The following IPO4 variants were observed in gnomAD, a reference collection of about 807,000 sequenced individuals.
IPO4 encodes importin 4.
A neutral mutation model predicts 133.5 loss-of-function variants in IPO4; 91 were observed. That is an observed-to-expected ratio of 0.68 (90% CI 0.58 to 0.81). IPO4 has a LOEUF of 0.81. Ranked by LOEUF, IPO4 falls within the 30% of genes least tolerant of loss-of-function variation. The probability of loss-of-function intolerance (pLI) is 0.00; values close to 1 mark genes in which losing one functional copy is unlikely to be tolerated. For synonymous variants in IPO4, 607 were observed against 581.6 expected, an observed-to-expected ratio of 1.04 and a Z score of -0.63; for missense variants, 1,279 against 1,386.2, an observed-to-expected ratio of 0.92 and a Z score of 1.23.
chr14:24,180,784 G>C lies in IPO4; in HGVS notation c.3046-26C>G, dbSNP rs200403393. On this transcript the variant is annotated intron_variant, in intron 28 of 29. Coordinates refer to ENST00000354464, the MANE Select transcript of IPO4 (RefSeq NM_024658.4). Reference sequence around the variant, plus strand: ...CTGTGAGGAAAGAGTGGCTGACTCAGGGCAGCAGCCCCAGACCCCAGGTCT... The same window carrying C: ...CTGTGAGGAAAGAGTGGCTGACTCACGGCAGCAGCCCCAGACCCCAGGTCT... 8 of 1,609,266 alleles carry C rather than the reference G, an allele frequency of 5.0e-6. No individual in the cohort carries two copies. In the East Asian group the frequency reaches 1.8e-4, roughly 36 times the overall value.
intron 28 of IPO4, among the ~76,000 whole-genome samples, chr14:24,181,235 T>C (rs2039131700): frequency 6.6e-6 from 1 of 152,210 alleles, no homozygotes; most frequent in African/African-American, 2.4e-5. Flanking sequence ...CTAGGAAAAC[T>C]GCAACTTCTG....
chr14:24,181,687 C>G, intron 27 of IPO4, 24 bp downstream of exon 27: 4 of 1,609,562 alleles, frequency 2.5e-6, no homozygotes, highest in Non-Finnish European at 3.4e-6. Flanking sequence ...CTTCCAAGCC[C>G]TGCCTGATGT....
intron 21 of IPO4, 27 bp from the exon 22 acceptor site, chr14:24,183,382 G>A (rs1250822402): frequency 1.3e-5 from 20 of 1,596,070 alleles, no homozygotes; most frequent in Non-Finnish European, 1.5e-5. Flanking sequence ...GGCGGGATAT[G>A]TCTGCTATGT....
intron 28 of IPO4, among the ~76,000 whole-genome samples, chr14:24,181,014 C>T (rs771975205): frequency 6.4e-4 from 98 of 152,124 alleles, no homozygotes; most frequent in Admixed American, 1.6e-3. Context: ...AACCCAGACA[C>T]TCAGGAGCTT....
intron 16 of IPO4, 109 bp from the exon 17 acceptor site, chr14:24,184,527 T>C (rs558494550): frequency 1.4e-6 from 2 of 1,456,272 alleles, no homozygotes; most frequent in South Asian, 1.3e-5. Context: ...TGGTACAGCA[T>C]GAAGCACACC....
Position 24,184,417 on chromosome 14 carries a change from C to T in IPO4, c.1638G>A (p.Glu546=). Residue 546 remains glutamate, a splice_region_variant and synonymous_variant, in exon 17 of 30, where the codon GAG becomes GAA. Transcript: ENST00000354464. ...DLQPVQIQSL[E]TLGVLARAVG... is the part of the protein sequence containing the mutation. Reference sequence around the variant, plus strand: ...CTGCTCGTGCCAGCACCCCCAGTGTCTCTGTGGGGGCAAGGGCTCCATTAG... The same window carrying T: ...CTGCTCGTGCCAGCACCCCCAGTGTTTCTGTGGGGGCAAGGGCTCCATTAG... The T allele has an allele frequency of 6.2e-7, 1 of 1,608,906 alleles. No homozygotes were observed. Among genetic ancestry groups the T allele is most frequent in the South Asian group, 1.1e-5 (1 of 90,250 alleles).
chr14:24,180,941 T>C (rs2039127429), intron 28 of IPO4, among the ~76,000 whole-genome samples, 183 bp from the exon 29 acceptor site: 1 of 152,118 alleles, frequency 6.6e-6, no homozygotes, highest in Admixed American at 6.6e-5. Flanking sequence ...CTAATGATTT[T>C]TTTTGGAGGG....
chr14:24,181,976 T>A lies in IPO4; in HGVS notation c.2786A>T (p.His929Leu), dbSNP rs2039145326. The change falls in exon 26 of 30, where the codon CAT becomes CTT. Residue 929 changes from histidine to leucine, a missense_variant. Coordinates refer to ENST00000354464, the MANE Select transcript of IPO4 (RefSeq NM_024658.4). ...ATACTCCTGGGCAGGGTGGCCCCCA[T>A]GCTCTGCCAGCACGCCCATCCCGAA... ...AIFGMGVLAE[H>L]GGHPAQEHFP... is the part of the protein sequence containing the mutation. 24 of 1,611,652 alleles carry A rather than the reference T, an allele frequency of 1.5e-5. No homozygotes were observed. The highest frequency in any genetic ancestry group is 2.0e-5 in the Non-Finnish European group (24 of 1,179,998).
intron 28 of IPO4, 54 bp from the exon 29 acceptor site, chr14:24,180,812 G>C: frequency 6.4e-7 from 1 of 1,559,740 alleles, no homozygotes; most frequent in Non-Finnish European, 8.8e-7. Flanking sequence ...CCAGGTCTAG[G>C]AGGGTGGTCA....
chr14:24,182,576 C>T (rs1334358560), intron 24 of IPO4, 173 bp from the exon 25 acceptor site: 1 of 1,013,838 alleles, frequency 9.9e-7, no homozygotes, highest in Non-Finnish European at 1.5e-6. Flanking sequence ...GGCTCTTCTG[C>T]TCCTACCTAT....
At chr14:24,184,575 G>T in intron 16 of IPO4, 75 bp downstream of exon 16, 1 of 1,411,230 alleles carries the variant, frequency 7.1e-7, no homozygotes, top group East Asian at 2.4e-5. Context: ...CTCCTGTGGG[G>T]GCAATCTGTC....
At position 24,186,318 on chromosome 14, in the gene IPO4, A is replaced by G. The variant is rs1357993961; in HGVS notation, c.974T>C (p.Met325Thr). ...SEEEELEIEL[M>T]GETPKHFAVQ... ...AGCGAAATGCTTGGGAGTCTCCCCC[A>G]TCAGCTCAATCTCCAACTCTTCCTC... The change falls in exon 10 of 30, where the codon ATG (methionine) becomes ACG (threonine). Residue 325 changes from methionine to threonine, a missense_variant. By Grantham distance (81) the Met-to-Thr change is moderately conservative. Coordinates refer to ENST00000354464, the MANE Select transcript of IPO4 (RefSeq NM_024658.4). 1 of 1,610,916 alleles carries G rather than the reference A, an allele frequency of 6.2e-7. No individual in the cohort carries two copies. Among genetic ancestry groups the G allele is most frequent in the South Asian group, 1.1e-5 (1 of 90,576 alleles).
At position 24,181,759 on chromosome 14, in the gene IPO4, T is replaced by C. The variant is rs770526078; in HGVS notation, c.2892A>G (p.Ala964=). Residue 964 remains alanine (A), a synonymous_variant, in exon 27 of 30, where the codon GCA becomes GCG. Coordinates refer to ENST00000354464, the MANE Select transcript of IPO4 (RefSeq NM_024658.4). Reference sequence around the variant, plus strand: ...GACTGGCCATCAACAGGCGGGCAAGTGCCCCACAGATGTTGTCACGGACAC... The same window carrying C: ...GACTGGCCATCAACAGGCGGGCAAGCGCCCCACAGATGTTGTCACGGACAC... ...HDRVRDNICG[A]LARLLMASPT... 81 of 1,602,382 alleles carry C rather than the reference T, an allele frequency of 5.1e-5. No individual in the cohort carries two copies. In the East Asian group the frequency reaches 1.8e-3, roughly 36 times the overall value.
At chr14:24,185,788 C>A (rs992119187) in intron 12 of IPO4, 73 bp downstream of exon 12, 3 of 1,204,928 alleles carry the variant, frequency 2.5e-6, no homozygotes, top group African/African-American at 1.5e-5. Context: ...TAAGCTTGAA[C>A]AACAAGCGTA....
Position 24,186,198 on chromosome 14 carries a change from G to A in IPO4, c.1006-16C>T, listed in dbSNP as rs1369119015. ...TGTCCACAACCTGAGATGGGATGGG[G>A]AGACTTACTTTGCTTGACTCCATCT... is the stretch of plus-strand genomic sequence containing the variant. On this transcript the variant is annotated splice_polypyrimidine_tract_variant and intron_variant, in intron 10 of 29. Transcript: ENST00000354464. 3 of 1,613,684 alleles carry A rather than the reference G, an allele frequency of 1.9e-6. No homozygotes were observed. In the South Asian group the frequency reaches 3.3e-5, roughly 18 times the overall value.
chr14:24,182,407 T>C lies in IPO4; in HGVS notation c.2473-4A>G. On this transcript the variant is annotated splice_polypyrimidine_tract_variant and splice_region_variant and intron_variant, in intron 24 of 29. Transcript: ENST00000354464. ...GCAACATGGCGTCGTATTCAGCCTG[T>C]GGAGCCAGGTCAGGGGCTGGAGCAC... The C allele has an allele frequency of 6.2e-7, 1 of 1,606,008 alleles. No homozygotes were observed. Among genetic ancestry groups the C allele is most frequent in the Non-Finnish European group, 8.5e-7 (1 of 1,177,042 alleles).
At chr14:24,182,767 C>G (rs1232526272) in intron 24 of IPO4, 25 bp downstream of exon 24, 1 of 1,613,712 alleles carries the variant, frequency 6.2e-7, no homozygotes, top group Non-Finnish European at 8.5e-7. Context: ...ACCGCCTGGT[C>G]CCCGTTTTTA....
chr14:24,187,324 G>C (rs1594443790), intron 6 of IPO4, 76 bp downstream of exon 6: 1 of 1,553,656 alleles, frequency 6.4e-7, no homozygotes, highest in East Asian at 2.3e-5. Context: ...ATCCAAAGCA[G>C]CTTTGTAACT....
chr14:24,180,578 T>G lies in IPO4; in HGVS notation c.3116-6A>C, dbSNP rs1352212131. 6.2e-7 allele frequency: 1 copy of G among 1,613,250 alleles called. No homozygotes were observed. Among genetic ancestry groups the G allele is most frequent in the Non-Finnish European group, 8.5e-7 (1 of 1,179,296 alleles). ...CAACAGTGCGGCCTTGGTGTCTGGG[T>G]GGAGAGGGAGGGAGAAAGGTCGGGG... On this transcript the variant is annotated splice_region_variant and splice_polypyrimidine_tract_variant and intron_variant, in intron 29 of 29. Transcript: ENST00000354464.
Sources: allele counts gnomAD v4.1 joint callset (sites outside exome capture counted in the v4.1 genomes callset), GRCh38; gene constraint gnomAD v4.1.1; transcripts MANE v1.5; gene names NCBI Gene and HGNC (gene_info 2026-07-23, HGNC 2026-07-21).